Variants in ING5 observed in about 807,000 individuals in gnomAD.
ING5 encodes inhibitor of growth family member 5, also known as inhibitor of growth protein 5.
ING5 carries 17 observed loss-of-function variants against 37.4 expected under a neutral mutation model. The observed-to-expected ratio is 0.45, with a 90% CI of 0.31 to 0.68. ING5 has a LOEUF of 0.68. ING5 is among the 30% of genes least tolerant of loss of function. ING5 has a pLI of 0.05. For missense variants in ING5, 233 were observed against 311.9 expected (o/e 0.75, Z 1.91); for synonymous variants, 123 against 116.6 (o/e 1.06, Z -0.36).
At chr2:241,687,521 GTGTTTTTGT>G (rs779865645) in exon 1 of ING5, 12 of 366,094 alleles carry the variant, frequency 3.3e-5, no homozygotes, top group Admixed American at 5.2e-5. Context: ...GTCCGTGTGT[GTGTTTTTGT>G]TGTTTTTGTT....
At chr2:241,701,108 C>G (rs1351513725), upstream of ING5, among the ~76,000 whole-genome samples, 1 of 150,406 alleles carries the variant, frequency 6.6e-6, no homozygotes, top group African/African-American at 2.4e-5. Flanking sequence ...CGTGCGCCAC[C>G]ACGCTTGGCT....
At chr2:241,706,351 C>T (rs1157395570) in intron 2 of ING5, among the ~76,000 whole-genome samples, 2 of 151,870 alleles carry the variant, frequency 1.3e-5, no homozygotes, top group Non-Finnish European at 2.9e-5. Flanking sequence ...TTTTCTTGGC[C>T]AGGCACGGTG....
chr2:241,717,290 C>T (rs2070301398), intron 5 of ING5, among the ~76,000 whole-genome samples: 2 of 152,102 alleles, frequency 1.3e-5, no homozygotes, highest in South Asian at 2.1e-4. Flanking sequence ...AGGCTGGTCT[C>T]GAACTCCTGG....
chr2:241,701,298 C>T (rs549416995), upstream of ING5, among the ~76,000 whole-genome samples: 89 of 148,920 alleles, frequency 6.0e-4, no homozygotes, highest in African/African-American at 2.0e-3. Context: ...TACGGCACAC[C>T]TTTGCACGCC....
intron 4 of ING5, 186 bp downstream of exon 4, chr2:241,711,674 G>A: frequency 1.7e-6 from 1 of 587,640 alleles, no homozygotes; most frequent in African/African-American, 1.9e-5. Context: ...GCTGAGGCAG[G>A]AGGATCACTT....
chr2:241,728,949 C>G lies in ING5; in HGVS notation c.*3918C>G, dbSNP rs1367948772. 6.6e-6 allele frequency: 1 copy of G among 152,266 alleles called. No homozygotes were observed. Among genetic ancestry groups the G allele is most frequent in the Non-Finnish European group, 1.5e-5 (1 of 68,062 alleles). The allele number at this position is 152,266 out of a possible 1,614,324, so 9.4% of individuals were successfully genotyped here. ...AGCCCTGCCGGACTTGGCCTCCTGT[C>G]CTGTCGTTGGGAGCCCTGGCTGGGG... On this transcript the variant is annotated 3_prime_UTR_variant, in exon 8 of 8. Transcript: ENST00000313552.
At chr2:241,709,119 C>A in intron 2 of ING5, 97 bp from the exon 3 acceptor site, 1 of 1,338,262 alleles carries the variant, frequency 7.5e-7, no homozygotes. Flanking sequence ...TACATCTTTG[C>A]CACAACTTGG....
chr2:241,709,882 C>G (rs1244989476), intron 3 of ING5, among the ~76,000 whole-genome samples: 2 of 152,086 alleles, frequency 1.3e-5, no homozygotes, highest in Non-Finnish European at 2.9e-5. Flanking sequence ...ACTGAGATTA[C>G]AGGCATGAGC....
chr2:241,688,421 T>C (rs2069487113), intron 1 of ING5, among the ~76,000 whole-genome samples: 1 of 152,212 alleles, frequency 6.6e-6, no homozygotes, highest in African/African-American at 2.4e-5. Context: ...ACTTCAGTGC[T>C]TTGGGCTGAG....
chr2:241,727,504 G>A lies in ING5; in HGVS notation c.*2473G>A, dbSNP rs1691667816. ...AATTTTTGTATTTTTAGTAGAAATG[G>A]GGTTTCACCATGTGTGGCCAGGCTG... is the stretch of plus-strand genomic sequence containing the variant. On this transcript the variant is annotated 3_prime_UTR_variant, in exon 8 of 8. Coordinates refer to ENST00000313552, the MANE Select transcript of ING5 (RefSeq NM_032329.6). The A allele has an allele frequency of 6.6e-6, 1 of 152,090 alleles. No individual in the cohort carries two copies. The highest frequency in any genetic ancestry group is 2.4e-5 in the African/African-American group (1 of 41,388). 9.4% of individuals were successfully genotyped at this position (152,090 alleles called of 1,614,324 possible). A position where few individuals can be genotyped will look rare whatever the true frequency, so the allele number is the denominator to read the frequency against.
At chr2:241,691,438 C>CAA (rs1358394317) in intron 2 of ING5, among the ~76,000 whole-genome samples, 1 of 137,060 alleles carries the variant, frequency 7.3e-6, no homozygotes. Flanking sequence ...GACACTGTCT[C>CAA]AAAAAAAAAA....
chr2:241,700,574 GC>G (rs2069701030), upstream of ING5, among the ~76,000 whole-genome samples: 1 of 151,982 alleles, frequency 6.6e-6, no homozygotes, highest in Non-Finnish European at 1.5e-5. Flanking sequence ...TCCTGTTTCA[GC>G]CTCCCGAGTA....
At chr2:241,693,584 TGA>T (rs2124852037) in intron 2 of ING5, among the ~76,000 whole-genome samples, 1 of 150,956 alleles carries the variant, frequency 6.6e-6, no homozygotes, top group East Asian at 2.0e-4. Context: ...TGTGGGTCCC[TGA>T]GAGGCCCCAT....
intron 2 of ING5, among the ~76,000 whole-genome samples, chr2:241,691,998 T>C (rs2069563907): frequency 1.3e-5 from 2 of 151,962 alleles, no homozygotes; most frequent in Non-Finnish European, 2.9e-5. Context: ...CAGTGAGCCA[T>C]GGTTGCGCCA....
chr2:241,700,549 A>G (rs549139475), upstream of ING5, among the ~76,000 whole-genome samples: 51 of 151,410 alleles, frequency 3.4e-4, no homozygotes, highest in African/African-American at 1.1e-3. Flanking sequence ...TCCGCCTCCC[A>G]AGCTCAAGCG....
intron 1 of ING5, among the ~76,000 whole-genome samples, chr2:241,702,362 T>C (rs1021210440): frequency 6.8e-6 from 1 of 147,316 alleles, no homozygotes; most frequent in East Asian, 2.0e-4. Flanking sequence ...CTGGCGATGC[T>C]GGGCGGGGCT....
chr2:241,703,026 C>T (rs2069792218), intron 1 of ING5, among the ~76,000 whole-genome samples: 2 of 152,112 alleles, frequency 1.3e-5, no homozygotes, highest in Admixed American at 1.3e-4. Flanking sequence ...AGACCGCTGC[C>T]CTAGAGGGAC....
chr2:241,704,593 G>T, intron 1 of ING5, 60 bp from the exon 2 acceptor site: 1 of 1,338,232 alleles, frequency 7.5e-7, no homozygotes, highest in Non-Finnish European at 1.1e-6. Flanking sequence ...GAAAACCTTT[G>T]GAGGTGAATT....
intron 5 of ING5, among the ~76,000 whole-genome samples, chr2:241,715,444 C>T (rs572752546): frequency 6.8e-6 from 1 of 148,114 alleles, no homozygotes; most frequent in East Asian, 2.0e-4. Flanking sequence ...GATCCACCCA[C>T]GTTGGCCTCC....
Sources: allele counts gnomAD v4.1 joint callset (sites outside exome capture counted in the v4.1 genomes callset), GRCh38; gene constraint gnomAD v4.1.1; transcripts MANE v1.5; gene names NCBI Gene and HGNC (gene_info 2026-07-23, HGNC 2026-07-21).